The following USP49 variants were observed in gnomAD, a reference collection of about 807,000 sequenced individuals.
The protein encoded by USP49 is ubiquitin carboxyl-terminal hydrolase 49.
In USP49, 24 loss-of-function variants were observed where a neutral mutation model predicts 58.6. The observed-to-expected ratio is 0.41, with a 90% CI of 0.30 to 0.58. The LOEUF is 0.58. Ranked by LOEUF, USP49 falls within the 20% of genes least tolerant of loss-of-function variation. USP49 has a pLI of 0.30. For synonymous variants in USP49, 408 were observed against 365.1 expected, an observed-to-expected ratio of 1.12 and a Z score of -1.34; for missense variants, 703 against 866.1, an observed-to-expected ratio of 0.81 and a Z score of 2.36.
intron 3 of USP49, among the ~76,000 whole-genome samples, chr6:41,807,997 C>T (rs577076788): frequency 6.6e-6 from 1 of 151,878 alleles, no homozygotes; most frequent in African/African-American, 2.4e-5. Context: ...AGGCTGGTCT[C>T]GAACTACTGA....
chr6:41,855,946 GC>G (rs1774122624), intron 3 of USP49, among the ~76,000 whole-genome samples: 1 of 152,154 alleles, frequency 6.6e-6, no homozygotes, highest in Admixed American at 6.6e-5. Context: ...TACTAGGGGG[GC>G]TGAGGCAGGA....
chr6:41,867,772 C>CCAAA (rs758230141), intron 3 of USP49, among the ~76,000 whole-genome samples: 7 of 151,356 alleles, frequency 4.6e-5, no homozygotes, highest in African/African-American at 1.7e-4. Flanking sequence ...CAAACAAAAA[C>CCAAA]CAAACAAACA....
Position 41,795,070 on chromosome 6 carries a change from C to G in USP49, c.*1463G>C, listed in dbSNP as rs2282444. The G allele has an allele frequency of 0.24, 36,140 of 152,188 alleles. 4,460 individuals carry two copies. Among genetic ancestry groups the G allele is most frequent in the Middle Eastern group, 0.29 (86 of 294 alleles). The allele number at this position is 152,188 out of a possible 1,614,324, so 9.4% of individuals were successfully genotyped here. The stretch of plus-strand genomic sequence containing the variant: ...CTCCTCCCCGAACGCCCTTCCACAT[C>G]TACTCCCTTCAAGTGACAACTGTAC... On this transcript the variant is annotated 3_prime_UTR_variant, in exon 8 of 8. Coordinates refer to ENST00000682992, the MANE Select transcript of USP49 (RefSeq NM_001286554.2).
intron 3 of USP49, among the ~76,000 whole-genome samples, chr6:41,814,260 T>C (rs1239546219): frequency 6.6e-6 from 1 of 152,228 alleles, no homozygotes; most frequent in Non-Finnish European, 1.5e-5. Flanking sequence ...TTTTGCCTTT[T>C]TAATTGCCAT....
At chr6:41,821,692 T>A (rs1773455431) in intron 3 of USP49, among the ~76,000 whole-genome samples, 1 of 152,100 alleles carries the variant, frequency 6.6e-6, no homozygotes, top group Non-Finnish European at 1.5e-5. Flanking sequence ...GAGAATTGCT[T>A]GAGCCTGGGA....
chr6:41,799,959 T>A (rs771754286), intron 5 of USP49, 21 bp from the exon 6 acceptor site: 1 of 1,609,352 alleles, frequency 6.2e-7, no homozygotes, highest in South Asian at 1.1e-5. Flanking sequence ...TGGGAAGGTA[T>A]AAGACATAGG....
In USP49 at chr6:41,870,688, A is replaced by AATTTTTT. The variant is rs1342796309; in HGVS notation, c.-29+875_-29+876insAAAAAAT. ...AGTAGCTAGCCACCACACCTGGCTA[A>AATTTTTT]TTTTTTTTTTTTTTTTTGGTAGAGA... is the stretch of plus-strand genomic sequence containing the variant. On this transcript the variant is annotated intron_variant, in intron 3 of 7. Coordinates refer to ENST00000682992, the MANE Select transcript of USP49 (RefSeq NM_001286554.2). Among the ~76,000 whole-genome samples, 26 of 116,026 alleles carry AATTTTTT rather than the reference A, an allele frequency of 2.2e-4. 1 individual carries two copies. Among genetic ancestry groups the AATTTTTT allele is most frequent in the Admixed American group, 2.2e-3 (21 of 9,732 alleles). 76.1% of individuals were successfully genotyped at this position (116,026 alleles called of 152,430 possible). A position where few individuals can be genotyped will look rare whatever the true frequency, so the allele number is the denominator to read the frequency against.
chr6:41,802,460 A>ATTTATTTATTT (rs869122385), intron 5 of USP49, among the ~76,000 whole-genome samples: 1 of 71,398 alleles, frequency 1.4e-5, no homozygotes, highest in Non-Finnish European at 2.7e-5. Flanking sequence ...TTATTTATTT[A>ATTTATTTATTT]TTTATTTATT....
chr6:41,850,818 G>A (rs1774014272), intron 3 of USP49, among the ~76,000 whole-genome samples: 1 of 151,936 alleles, frequency 6.6e-6, no homozygotes, highest in Admixed American at 6.6e-5. Context: ...GGCCAGGCTG[G>A]TCTCGATCTC....
At chr6:41,808,936 G>GA (rs1773193648) in intron 3 of USP49, among the ~76,000 whole-genome samples, 1 of 151,802 alleles carries the variant, frequency 6.6e-6, no homozygotes. Context: ...TATATTTTGA[G>GA]AGAGGGTCTC....
intron 2 of USP49, chr6:41,873,141 T>C (rs1010280816): frequency 6.6e-6 from 1 of 152,222 alleles, no homozygotes; most frequent in Admixed American, 6.6e-5. Context: ...AGAGTTAGTA[T>C]AATGGAGCAG....
chr6:41,802,437 TTTATTTA>T, intron 5 of USP49, among the ~76,000 whole-genome samples: 1 of 37,522 alleles, frequency 2.7e-5, no homozygotes, highest in Admixed American at 4.6e-4. Context: ...ATTTTATTTA[TTTATTTA>T]TTTATTTATT....
At chr6:41,880,695 C>A (rs769496190) in intron 2 of USP49, among the ~76,000 whole-genome samples, 1 of 152,106 alleles carries the variant, frequency 6.6e-6, no homozygotes, top group South Asian at 2.1e-4. Flanking sequence ...TTCATATATG[C>A]AGATTCCCAA....
intron 2 of USP49, among the ~76,000 whole-genome samples, chr6:41,879,707 G>T (rs1160940966): frequency 1.3e-5 from 2 of 152,170 alleles, no homozygotes; most frequent in Non-Finnish European, 2.9e-5. Context: ...AGAGAAAGTT[G>T]ATATCGTGAA....
At chr6:41,838,775 A>G (rs1488452158) in intron 3 of USP49, among the ~76,000 whole-genome samples, 1 of 152,194 alleles carries the variant, frequency 6.6e-6, no homozygotes, top group Admixed American at 6.5e-5. Context: ...ACTGCAGAAT[A>G]TACATTCTTT....
chr6:41,820,609 A>G (rs1034516670), intron 3 of USP49, among the ~76,000 whole-genome samples: 2 of 152,128 alleles, frequency 1.3e-5, no homozygotes, highest in Non-Finnish European at 2.9e-5. Context: ...AAAAAACAAG[A>G]TTGTCAAAAT....
chr6:41,831,143 G>T (rs1478181670), intron 3 of USP49, among the ~76,000 whole-genome samples: 3 of 152,160 alleles, frequency 2.0e-5, no homozygotes, highest in African/African-American at 7.2e-5. Flanking sequence ...TGTAATACCA[G>T]CACTTTGGGA....
chr6:41,892,489 A>G (rs1774825762), intron 1 of USP49, among the ~76,000 whole-genome samples: 1 of 152,208 alleles, frequency 6.6e-6, no homozygotes, highest in Admixed American at 6.5e-5. Flanking sequence ...TTTTACCAAG[A>G]TCCTCTGTTA....
chr6:41,863,635 G>A (rs1774260798), intron 3 of USP49, among the ~76,000 whole-genome samples: 1 of 152,150 alleles, frequency 6.6e-6, no homozygotes, highest in African/African-American at 2.4e-5. Context: ...TTGTCTTAAT[G>A]TTCTCACAGA....
Sources: allele counts gnomAD v4.1 joint callset (sites outside exome capture counted in the v4.1 genomes callset), GRCh38; gene constraint gnomAD v4.1.1; transcripts MANE v1.5; gene names NCBI Gene and HGNC (gene_info 2026-07-23, HGNC 2026-07-21).